Variants in TOX2 observed in about 807,000 individuals in gnomAD.
The protein encoded by TOX2 is TOX high mobility group box family member 2.
TOX2 carries 15 observed loss-of-function variants against 47.4 expected under a neutral mutation model. The observed-to-expected ratio is 0.32, with a 90% CI of 0.21 to 0.49. The LOEUF is 0.49. Ranked by LOEUF, TOX2 falls within the 20% of genes least tolerant of loss-of-function variation. TOX2 has a pLI of 0.99. For missense variants in TOX2, 622 were observed against 673.1 expected (o/e 0.92, Z 0.84); for synonymous variants, 290 against 296.6 (o/e 0.98, Z 0.23).
At chr20:43,986,914 A>T (rs2070277761) in intron 2 of TOX2, among the ~76,000 whole-genome samples, 1 of 151,988 alleles carries the variant, frequency 6.6e-6, no homozygotes, top group Non-Finnish European at 1.5e-5. Context: ...AAATTAAATA[A>T]TTAGCCAGGT....
chr20:43,923,911 G>A (rs1194781575), intron 1 of TOX2, among the ~76,000 whole-genome samples: 2 of 152,210 alleles, frequency 1.3e-5, no homozygotes, highest in Non-Finnish European at 2.9e-5. Flanking sequence ...ATCCCACAGG[G>A]AGCTGTGGCG....
intron 7 of TOX2, 24 bp downstream of exon 7, chr20:44,066,131 C>A: frequency 6.6e-7 from 1 of 1,505,712 alleles, no homozygotes; most frequent in Non-Finnish European, 8.8e-7. Flanking sequence ...AGCAGAACAG[C>A]CCTTCTGTGA....
At position 44,030,073 on chromosome 20, in the gene TOX2, A is replaced by G. The variant is rs117364196; in HGVS notation, c.412-21233A>G. 9.2e-5 allele frequency among the ~76,000 whole-genome samples: 14 copies of G among 151,932 alleles called. No individual in the cohort carries two copies. The East Asian group carries it at 2.5e-3, about 27-fold the overall frequency. ...GAGTCCAGGCCATTTCCACTGCTCT[A>G]TCCCCTCTCCTAAGCACCAGACCAT... On this transcript the variant is annotated intron_variant, in intron 3 of 8. Coordinates refer to ENST00000341197, the MANE Select transcript of TOX2 (RefSeq NM_001098797.2).
At chr20:43,935,953 G>A (rs1051699264) in intron 1 of TOX2, among the ~76,000 whole-genome samples, 4 of 103,678 alleles carry the variant, frequency 3.9e-5, no homozygotes, top group Admixed American at 1.0e-4. Flanking sequence ...AAAAAAAAAA[G>A]AAGCAGAGTG....
intron 1 of TOX2, among the ~76,000 whole-genome samples, chr20:43,958,270 C>T (rs960025379): frequency 7.2e-5 from 11 of 152,312 alleles, no homozygotes; most frequent in South Asian, 6.2e-4. Context: ...CCAGATTGGG[C>T]ATCCTTCCAT....
At chr20:44,049,770 G>T (rs1350326249) in intron 3 of TOX2, among the ~76,000 whole-genome samples, 1 of 152,174 alleles carries the variant, frequency 6.6e-6, no homozygotes, top group Non-Finnish European at 1.5e-5. Flanking sequence ...GCATTAGTTT[G>T]CTGAGGATAA....
intron 2 of TOX2, among the ~76,000 whole-genome samples, chr20:43,984,438 T>C (rs1407725254): frequency 1.3e-5 from 2 of 152,210 alleles, no homozygotes; most frequent in Non-Finnish European, 2.9e-5. Context: ...CCATCAACCC[T>C]AAACACATAC....
intron 3 of TOX2, among the ~76,000 whole-genome samples, chr20:44,026,254 C>A (rs5012952): frequency 2.6e-5 from 2 of 78,342 alleles, no homozygotes; most frequent in Non-Finnish European, 2.4e-5. Context: ...TATATAGACA[C>A]ACACACACAC....
At chr20:43,965,164 G>A (rs1569041410) in intron 1 of TOX2, among the ~76,000 whole-genome samples, 1 of 152,164 alleles carries the variant, frequency 6.6e-6, no homozygotes, top group Non-Finnish European at 1.5e-5. Context: ...TTCAGAGCAG[G>A]AGGTTCTGAG....
intron 2 of TOX2, among the ~76,000 whole-genome samples, chr20:44,003,463 A>G (rs1289918880): frequency 6.6e-6 from 1 of 152,168 alleles, no homozygotes; most frequent in Non-Finnish European, 1.5e-5. Context: ...TGCTGGGATT[A>G]TAGGCCAACT....
At chr20:43,948,857 A>T (rs748803203) in intron 1 of TOX2, among the ~76,000 whole-genome samples, 2 of 152,176 alleles carry the variant, frequency 1.3e-5, no homozygotes, top group Admixed American at 6.5e-5. Flanking sequence ...TGTTGAGATG[A>T]GCCTGGAGTA....
chr20:43,938,210 G>A (rs1282330374), intron 1 of TOX2, among the ~76,000 whole-genome samples: 4 of 152,134 alleles, frequency 2.6e-5, no homozygotes, highest in African/African-American at 7.2e-5. Flanking sequence ...CATGGCAACC[G>A]GGATATGTCA....
At chr20:44,061,737 C>T (rs1307392333) in intron 5 of TOX2, among the ~76,000 whole-genome samples, 1 of 152,004 alleles carries the variant, frequency 6.6e-6, no homozygotes, top group Non-Finnish European at 1.5e-5. Flanking sequence ...ATCCTCAGTA[C>T]AATACTAGCT....
Position 44,051,427 on chromosome 20 carries a change from C to T in TOX2, c.533C>T (p.Ser178Leu), listed in dbSNP as rs1252837963. 6.2e-6 allele frequency: 10 copies of T among 1,613,984 alleles called. No individual in the cohort carries two copies. Among genetic ancestry groups the T allele is most frequent in the South Asian group, 5.5e-5 (5 of 91,070 alleles). ...MSALSQSQLI[S>L]QMGIRSSIAH... ...GCCCTCAGCCAGTCCCAGCTCATCT[C>T]GCAGATGGGCATCCGGAGCAGCATC... is the stretch of plus-strand genomic sequence containing the variant. The change falls in exon 4 of 9, where the codon TCG becomes TTG. Residue 178 changes from serine to leucine, a missense_variant. Physicochemically the swap from Ser to Leu is moderately radical, Grantham distance 145. Around this residue, in one of 3 missense-constraint regions of TOX2, gnomAD observed 307 missense variants for 327.3 expected, o/e 0.94. Transcript: ENST00000341197.
intron 2 of TOX2, among the ~76,000 whole-genome samples, chr20:43,988,859 T>C (rs1286248124): frequency 6.6e-6 from 1 of 152,240 alleles, no homozygotes; most frequent in Non-Finnish European, 1.5e-5. Flanking sequence ...TGGATTTATC[T>C]GCAGTTTGGG....
At chr20:43,983,160 C>T (rs1263323541) in intron 2 of TOX2, among the ~76,000 whole-genome samples, 4 of 151,938 alleles carry the variant, frequency 2.6e-5, no homozygotes, top group Non-Finnish European at 5.9e-5. Flanking sequence ...CATCCCTTCC[C>T]GATGCTCCAG....
At chr20:43,924,609 C>T (rs928676702) in intron 1 of TOX2, among the ~76,000 whole-genome samples, 2 of 152,184 alleles carry the variant, frequency 1.3e-5, no homozygotes, top group Admixed American at 6.5e-5. Context: ...TCTGGCTTTG[C>T]CTTTCACCAT....
In TOX2 at chr20:43,915,358, C is replaced by T. The variant is rs908104031; in HGVS notation, c.99+368C>T. On this transcript the variant is annotated intron_variant, in intron 1 of 8. Transcript: ENST00000341197. This position sits in a 1 kb window ranked among gnomAD's most constrained non-coding sequence, Gnocchi z 7.1. ...ACAGTCACTTATACACAACGACACG[C>T]AACCACTCACCCGCAAACAGCCTCA... 6.6e-6 allele frequency among the ~76,000 whole-genome samples: 1 copy of T among 152,192 alleles called. No individual in the cohort carries two copies. The highest frequency in any genetic ancestry group is 1.5e-5 in the Non-Finnish European group (1 of 68,028).
chr20:44,028,111 A>G lies in TOX2; in HGVS notation c.411+21319A>G, dbSNP rs186573865. 4.6e-5 allele frequency among the ~76,000 whole-genome samples: 7 copies of G among 152,348 alleles called. No homozygotes were observed. In the East Asian group the frequency reaches 1.4e-3, roughly 29 times the overall value. On this transcript the variant is annotated intron_variant, in intron 3 of 8. Coordinates refer to ENST00000341197, the MANE Select transcript of TOX2 (RefSeq NM_001098797.2). ...ACGACTAACAGCTGTGACAAGTTCAATGGAAAAAATAACAGGGTGTCAGGA... is the reference window on the plus strand; with the variant it reads ...ACGACTAACAGCTGTGACAAGTTCAGTGGAAAAAATAACAGGGTGTCAGGA...
Sources: allele counts gnomAD v4.1 joint callset (sites outside exome capture counted in the v4.1 genomes callset), GRCh38; gene constraint gnomAD v4.1.1; regional missense constraint gnomAD v4.1.1; non-coding constraint Gnocchi (gnomAD v3.1); transcripts MANE v1.5; gene names NCBI Gene and HGNC (gene_info 2026-07-23, HGNC 2026-07-21).